REC8: variants seen among roughly 807,000 people sequenced by gnomAD.
REC8 encodes meiotic recombination protein REC8 homolog.
REC8 carries 42 observed loss-of-function variants against 78.3 expected under a neutral mutation model. The observed-to-expected ratio is 0.54, with a 90% CI of 0.42 to 0.69. The LOEUF is 0.69. REC8 is among the 30% of genes least tolerant of loss of function. The pLI, the probability that REC8 is intolerant of heterozygous loss-of-function variation, is 0.00. For missense variants in REC8, 581 were observed against 715.8 expected, an observed-to-expected ratio of 0.81 and a Z score of 2.15; for synonymous variants, 268 against 274.1, an observed-to-expected ratio of 0.98 and a Z score of 0.22.
chr14:24,174,954 T>G (rs1300692306), intron 5 of REC8, among the ~76,000 whole-genome samples: 1 of 151,800 alleles, frequency 6.6e-6, no homozygotes, highest in Admixed American at 6.6e-5. Context: ...TCTGTTCACC[T>G]CTGTCAACCA....
intron 7 of REC8, 88 bp from the exon 8 acceptor site, chr14:24,177,053 A>G: frequency 7.1e-7 from 1 of 1,417,154 alleles, no homozygotes; most frequent in Non-Finnish European, 9.9e-7. Context: ...GCCCTGTGGC[A>G]TGCCTCTGGG....
chr14:24,175,601 T>G lies in REC8; in HGVS notation c.521T>G (p.Val174Gly), dbSNP rs1345245080. 1 of 1,613,930 alleles carries G rather than the reference T, an allele frequency of 6.2e-7. No homozygotes were observed. Among genetic ancestry groups the G allele is most frequent in the Non-Finnish European group, 8.5e-7 (1 of 1,179,878 alleles). The stretch of plus-strand genomic sequence containing the variant: ...AGAGTTGAAGAGATCCCTCCTGAAG[T>G]TCCTACAGAGCCCAGGGAGCCAGGT... The part of the protein sequence containing the change: ...PERVEEIPPE[V>G]PTEPREPERI... The change falls in exon 6 of 19, where the codon GTT (valine) becomes GGT (glycine). Residue 174 changes from valine to glycine, a missense_variant. Coordinates refer to ENST00000611366, the MANE Select transcript of REC8 (RefSeq NM_001048205.2).
chr14:24,177,101 A>T, intron 7 of REC8, 40 bp from the exon 8 acceptor site: 1 of 1,592,068 alleles, frequency 6.3e-7, no homozygotes. Flanking sequence ...TTTCAGAAAT[A>T]TTATTGAATC....
At chr14:24,176,742 A>G in intron 6 of REC8, 80 bp from the exon 7 acceptor site, 2 of 1,096,156 alleles carry the variant, frequency 1.8e-6, no homozygotes, top group South Asian at 2.6e-5. Flanking sequence ...TTGACTTCAG[A>G]GTCCATGCTT....
downstream of REC8, chr14:24,180,486 C>T (rs767223120): frequency 5.0e-6 from 8 of 1,613,838 alleles, no homozygotes; most frequent in South Asian, 1.1e-5. Context: ...GCCTTGTCAA[C>T]AGGCAGTGAG....
chr14:24,177,291 G>C, intron 8 of REC8, 62 bp from the exon 9 acceptor site: 4 of 1,613,588 alleles, frequency 2.5e-6, no homozygotes, highest in East Asian at 4.5e-5. Context: ...GGGCATTCTG[G>C]GACTGGGCAA....
In REC8 at chr14:24,178,833, C is replaced by G. The variant is rs770440827; in HGVS notation, c.1120C>G (p.Pro374Ala). 6.2e-6 allele frequency: 10 copies of G among 1,613,862 alleles called. No homozygotes were observed. The highest frequency in any genetic ancestry group is 4.5e-5 in the East Asian group (2 of 44,888). ...GLWTHCAQPP[P>A]KALRRELPEE... ...CTGGACCCATTGTGCCCAGCCACCC[C>G]CAAAAGCCCTCAGGCGAGAGCTGCC... is the stretch of plus-strand genomic sequence containing the variant. Residue 374 changes from proline (P) to alanine (A), a missense_variant, in exon 14 of 19, where the codon CCA becomes GCA. Pro to Ala is a conservative substitution (Grantham distance 27). Coordinates refer to ENST00000611366, the MANE Select transcript of REC8 (RefSeq NM_001048205.2).
chr14:24,179,999 C>A lies in REC8; in HGVS notation c.1559-11C>A. The A allele has an allele frequency of 6.2e-7, 1 of 1,614,200 alleles. No homozygotes were observed. Among genetic ancestry groups the A allele is most frequent in the Non-Finnish European group, 8.5e-7 (1 of 1,180,036 alleles). ...CTCCCCCGACCTGCCCTCTCCTCGC[C>A]TCTTGACCAGTGCTCTCAGCGCAAC... On this transcript the variant is annotated splice_polypyrimidine_tract_variant and intron_variant, in intron 18 of 18. Transcript: ENST00000611366.
At chr14:24,180,517 G>T, downstream of REC8, 1 of 1,614,142 alleles carries the variant, frequency 6.2e-7, no homozygotes, top group South Asian at 1.1e-5. Flanking sequence ...CTTGAAAGCT[G>T]TCGGTGTGCT....
intron 3 of REC8, 34 bp downstream of exon 3, chr14:24,173,075 T>C (rs1488065565): frequency 1.2e-6 from 2 of 1,611,868 alleles, no homozygotes; most frequent in South Asian, 2.2e-5. Context: ...TGGGGCGGGC[T>C]GAGCAGCTGT....
In REC8 at chr14:24,172,223, C is replaced by G. The variant is rs895262756; in HGVS notation, c.-330C>G. 3 of 369,948 alleles carry G rather than the reference C, an allele frequency of 8.1e-6. No homozygotes were observed. The highest frequency in any genetic ancestry group is 6.2e-5 in the African/African-American group (3 of 48,134). 22.9% of individuals were successfully genotyped at this position (369,948 alleles called of 1,614,324 possible). ...GCTCCCTCGGGACCTGCTCTGGATT[C>G]CGGCCCGGACGTCCCCTTGGAGCTC... On this transcript the variant is annotated 5_prime_UTR_variant, in exon 1 of 19. Coordinates refer to ENST00000611366, the MANE Select transcript of REC8 (RefSeq NM_001048205.2).
chr14:24,177,956 G>C, intron 11 of REC8, 135 bp from the exon 12 acceptor site: 2 of 1,513,446 alleles, frequency 1.3e-6, no homozygotes, highest in Non-Finnish European at 1.8e-6. Flanking sequence ...AGCTGCTCAA[G>C]TGCATGGAGA....
chr14:24,172,532 G>T lies in REC8; in HGVS notation c.-21G>T. On this transcript the variant is annotated 5_prime_UTR_variant, in exon 1 of 19. In the 5' UTR this introduces an upstream ATG that the reference lacks. Transcript: ENST00000611366. ...CCGAACGGGGATCTGGTGGAATCGA[G>T]GGTGAAAGACCAGAGGGACAATGTT... 6.2e-7 allele frequency: 1 copy of T among 1,604,988 alleles called. No homozygotes were observed. The highest frequency in any genetic ancestry group is 8.5e-7 in the Non-Finnish European group (1 of 1,173,506).
downstream of REC8, chr14:24,180,656 C>T (rs1287715830): frequency 3.7e-6 from 6 of 1,613,268 alleles, no homozygotes; most frequent in Admixed American, 1.0e-4. Flanking sequence ...TCCCAGCCTC[C>T]CGCAAGCCCC....
chr14:24,179,854 G>A lies in REC8; in HGVS notation c.1506G>A (p.Val502=), dbSNP rs1160982708. 1.2e-6 allele frequency: 2 copies of A among 1,613,642 alleles called. No individual in the cohort carries two copies. Among genetic ancestry groups the A allele is most frequent in the East Asian group, 2.2e-5 (1 of 44,886 alleles). ...ANREPDFSSL[V]SPLSPRRMAA... The stretch of plus-strand genomic sequence containing the variant: ...GGGAGCCCGACTTCAGCAGCCTGGT[G>A]TCACCTCTCAGCCCCCGCAGGATGG... The change falls in exon 18 of 19, where the codon GTG becomes GTA. Residue 502 remains valine (V), a synonymous_variant. Transcript: ENST00000611366.
In REC8 at chr14:24,172,770, G is replaced by T; in HGVS notation, c.114G>T (p.Val38=). 6.2e-7 allele frequency: 1 copy of T among 1,614,164 alleles called. No individual in the cohort carries two copies. Among genetic ancestry groups the T allele is most frequent in the Non-Finnish European group, 8.5e-7 (1 of 1,180,020 alleles). ...LVKREYLRVN[V]VKTCEEILNY... ...AGCGCGAATACCTGAGGGTGAATGT[G>T]GTGAAAACCTGGTAAGGCCCAGAAA... The change falls in exon 2 of 19, where the codon GTG becomes GTT. Residue 38 remains valine, a synonymous_variant. Transcript: ENST00000611366.
At chr14:24,176,510 G>C (rs2038907292) in intron 6 of REC8, among the ~76,000 whole-genome samples, 1 of 151,848 alleles carries the variant, frequency 6.6e-6, no homozygotes. Context: ...CACCTGGCTA[G>C]TTTTTAAATT....
intron 5 of REC8, among the ~76,000 whole-genome samples, chr14:24,173,712 AC>A (rs1299463162): frequency 1.3e-5 from 2 of 151,832 alleles, no homozygotes; most frequent in African/African-American, 2.4e-5. Context: ...GGGCTTTCTT[AC>A]CCCTGTCCTC....
At chr14:24,180,574 T>C (rs1452133177), downstream of REC8, 1 of 1,613,514 alleles carries the variant, frequency 6.2e-7, no homozygotes, top group Non-Finnish European at 8.5e-7. Flanking sequence ...CCTTGGTGTC[T>C]GGGTGGAGAG....
Sources: allele counts gnomAD v4.1 joint callset (sites outside exome capture counted in the v4.1 genomes callset), GRCh38; gene constraint gnomAD v4.1.1; transcripts MANE v1.5; gene names NCBI Gene and HGNC (gene_info 2026-07-23, HGNC 2026-07-21).